Variants in DOCK5 observed in about 807,000 individuals in gnomAD.
DOCK5 encodes dedicator of cytokinesis protein 5.
Under a neutral mutation model 251.8 loss-of-function variants are expected in DOCK5, and 142 were observed. The ratio of observed to expected loss-of-function variants is 0.56; its 90% CI spans 0.49 to 0.65. DOCK5 has a LOEUF of 0.65. Ranked by LOEUF, DOCK5 falls within the 30% of genes least tolerant of loss-of-function variation. The pLI is 0.00. For synonymous variants in DOCK5, 842 were observed against 835.5 expected, an observed-to-expected ratio of 1.01 and a Z score of -0.13; for missense variants, 2,111 against 2,312.3, an observed-to-expected ratio of 0.91 and a Z score of 1.79.
At chr8:25,221,878 T>G (rs913897050) in intron 1 of DOCK5, among the ~76,000 whole-genome samples, 4 of 152,194 alleles carry the variant, frequency 2.6e-5, no homozygotes, top group African/African-American at 9.7e-5. Context: ...GGGACTTATA[T>G]CCAGGCTCAC....
At chr8:25,345,720 T>C in intron 26 of DOCK5, 109 bp downstream of exon 26, 1 of 1,431,832 alleles carries the variant, frequency 7.0e-7, no homozygotes, top group Non-Finnish European at 9.5e-7. Context: ...AGCTCCGGTA[T>C]TAGGGCAGGC....
Position 25,184,822 on chromosome 8 carries a change from G to A in DOCK5, c.-87G>A, listed in dbSNP as rs112880266. On this transcript the variant is annotated 5_prime_UTR_variant, in exon 1 of 52. Transcript: ENST00000276440. Reference sequence around the variant, plus strand: ...GCGGAACATGGCGGAAGCGTCTGGGGCACGCAGGAGCGCGGGGCGGCGGCG... The same window carrying A: ...GCGGAACATGGCGGAAGCGTCTGGGACACGCAGGAGCGCGGGGCGGCGGCG... 0.047 allele frequency: 55,577 copies of A among 1,182,898 alleles called. 1,934 individuals are homozygous for A. Among genetic ancestry groups the A allele is most frequent in the African/African-American group, 0.16 (9,773 of 62,578 alleles). 73.3% of individuals were successfully genotyped at this position (1,182,898 alleles called of 1,614,324 possible).
At chr8:25,186,497 C>G (rs539625105) in intron 1 of DOCK5, among the ~76,000 whole-genome samples, 2 of 152,142 alleles carry the variant, frequency 1.3e-5, no homozygotes, top group Admixed American at 6.5e-5. Flanking sequence ...TCTCAGCCCC[C>G]CTCCCCGAGT....
At chr8:25,313,722 A>C (rs1357447531) in intron 13 of DOCK5, among the ~76,000 whole-genome samples, 2 of 152,182 alleles carry the variant, frequency 1.3e-5, no homozygotes, top group African/African-American at 2.4e-5. Context: ...GCAGATGGCC[A>C]TCTTCTCCCT....
At chr8:25,338,929 G>A (rs1181741172) in intron 22 of DOCK5, among the ~76,000 whole-genome samples, 6 of 152,216 alleles carry the variant, frequency 3.9e-5, no homozygotes, top group Admixed American at 2.6e-4. Flanking sequence ...GACAGTAAAG[G>A]ATGGTGAGTG....
At chr8:25,396,494 C>G (rs1801347623) in intron 45 of DOCK5, among the ~76,000 whole-genome samples, 1 of 152,038 alleles carries the variant, frequency 6.6e-6, no homozygotes, top group South Asian at 2.1e-4. Flanking sequence ...GTACTTGGCA[C>G]AATTTAATCC....
At chr8:25,396,874 T>C (rs985073640) in intron 45 of DOCK5, among the ~76,000 whole-genome samples, 4 of 151,816 alleles carry the variant, frequency 2.6e-5, no homozygotes, top group African/African-American at 9.7e-5. Context: ...CACTGTGTGC[T>C]CTGGGCAACA....
intron 49 of DOCK5, among the ~76,000 whole-genome samples, chr8:25,408,536 T>C (rs1801563693): frequency 6.6e-6 from 1 of 152,204 alleles, no homozygotes; most frequent in African/African-American, 2.4e-5. Flanking sequence ...TTCCTGAGAA[T>C]CAGGGTGGCT....
At chr8:25,348,201 T>C (rs888119497) in intron 26 of DOCK5, among the ~76,000 whole-genome samples, 25 of 152,196 alleles carry the variant, frequency 1.6e-4, no homozygotes, top group Admixed American at 1.0e-3. Context: ...TCCTGCCTTT[T>C]GTTTTATTTT....
chr8:25,241,181 G>T (rs1031305545), intron 1 of DOCK5, among the ~76,000 whole-genome samples: 1 of 152,142 alleles, frequency 6.6e-6, no homozygotes, highest in South Asian at 2.1e-4. Context: ...AATGGCGATC[G>T]TTAAAAGTCA....
intron 2 of DOCK5, 98 bp from the exon 3 acceptor site, chr8:25,268,747 C>T: frequency 1.0e-6 from 1 of 977,064 alleles, no homozygotes; most frequent in Non-Finnish European, 1.5e-6. Flanking sequence ...ACTGTTGTAT[C>T]CCAGTATTGC....
At chr8:25,392,775 T>C (rs576922962) in intron 43 of DOCK5, 21 bp from the exon 44 acceptor site, 2 of 1,603,166 alleles carry the variant, frequency 1.2e-6, no homozygotes, top group Admixed American at 1.7e-5. Context: ...CAACATTTCA[T>C]GTTTTCCTTC....
At chr8:25,380,531 A>T (rs112382754) in intron 39 of DOCK5, 137 bp downstream of exon 39, 7 of 734,196 alleles carry the variant, frequency 9.5e-6, no homozygotes, top group Non-Finnish European at 1.6e-5. Context: ...TTGAAATGAG[A>T]ATGAAAAAAG....
Position 25,414,477 on chromosome 8 carries a change from A to G in DOCK5, c.*3179A>G, listed in dbSNP as rs1182714950. 6.6e-6 allele frequency: 1 copy of G among 152,256 alleles called. No individual in the cohort carries two copies. Among genetic ancestry groups the G allele is most frequent in the Admixed American group, 6.5e-5 (1 of 15,282 alleles). The allele number at this position is 152,256 out of a possible 1,614,324, so 9.4% of individuals were successfully genotyped here. A position where few individuals can be genotyped will look rare whatever the true frequency, so the allele number is the denominator to read the frequency against. On this transcript the variant is annotated 3_prime_UTR_variant, in exon 52 of 52. Coordinates refer to ENST00000276440, the MANE Select transcript of DOCK5 (RefSeq NM_024940.8). ...CAGCCACACTGCAATTTCCTAATGT[A>G]GAACAAGATATAAAGCAGGCTTTGA... is the stretch of plus-strand genomic sequence containing the variant.
chr8:25,354,041 AAAAAAAAC>A (rs1800519435), intron 27 of DOCK5, among the ~76,000 whole-genome samples: 1 of 109,818 alleles, frequency 9.1e-6, no homozygotes, highest in Non-Finnish European at 1.9e-5. Flanking sequence ...AAAAAAAAAA[AAAAAAAAC>A]AAACAAAAAA....
chr8:25,346,556 T>C (rs1215486373), intron 26 of DOCK5, among the ~76,000 whole-genome samples: 3 of 144,938 alleles, frequency 2.1e-5, no homozygotes, highest in African/African-American at 7.8e-5. Context: ...CCGGGCGTGG[T>C]GGCTCACGCC....
intron 3 of DOCK5, among the ~76,000 whole-genome samples, chr8:25,272,606 G>A (rs970475746): frequency 2.6e-5 from 4 of 152,102 alleles, no homozygotes; most frequent in African/African-American, 9.7e-5. Flanking sequence ...TCCAGAATTG[G>A]ATCCTTGTAA....
At position 25,350,462 on chromosome 8, in the gene DOCK5, T is replaced by A. The variant is rs371873509; in HGVS notation, c.2755-1269T>A. On this transcript the variant is annotated intron_variant, in intron 26 of 51. Transcript: ENST00000276440. Reference sequence around the variant, plus strand: ...CTAATTCCAATAAGAAAACTGTTACTGTCCCCCTTTTGCAGCTATGAAAAC... The same window carrying A: ...CTAATTCCAATAAGAAAACTGTTACAGTCCCCCTTTTGCAGCTATGAAAAC... 1.5e-4 allele frequency among the ~76,000 whole-genome samples: 23 copies of A among 152,326 alleles called. No individual in the cohort carries two copies. In the East Asian group the frequency reaches 2.7e-3, roughly 18 times the overall value.
intron 3 of DOCK5, among the ~76,000 whole-genome samples, chr8:25,275,007 T>G (rs898563302): frequency 6.6e-6 from 1 of 152,160 alleles, no homozygotes; most frequent in African/African-American, 2.4e-5. Flanking sequence ...TACTGAGTAC[T>G]GCATAGTTTC....
Sources: gnomAD v4.1 joint callset for allele counts (sites outside exome capture counted in the v4.1 genomes callset) on GRCh38, gnomAD v4.1.1 for gene constraint, MANE v1.5 for transcripts, NCBI Gene and HGNC (gene_info 2026-07-23, HGNC 2026-07-21) for gene names.